Variants in UQCRFS1 observed in about 807,000 individuals in gnomAD.
UQCRFS1 encodes cytochrome b-c1 complex subunit Rieske, mitochondrial.
In UQCRFS1, 6 loss-of-function variants were observed where a neutral mutation model predicts 15.6. That is an observed-to-expected ratio of 0.38 (90% CI 0.21 to 0.76). UQCRFS1 has a LOEUF of 0.76. Among genes scored for constraint, UQCRFS1 ranks in the 30% least tolerant of loss-of-function variants. UQCRFS1 has a pLI of 0.44. For missense variants in UQCRFS1, 203 were observed against 366.7 expected (o/e 0.55, Z 3.65); for synonymous variants, 105 against 154.3 (o/e 0.68, Z 2.37).
chr19:29,208,457 G>C (rs1976614488), intron 1 of UQCRFS1, among the ~76,000 whole-genome samples: 1 of 152,166 alleles, frequency 6.6e-6, no homozygotes, highest in Non-Finnish European at 1.5e-5. Context: ...CAACACCTCA[G>C]TGCATCATGC....
rs1172999180 is a variant in UQCRFS1, at chr19:29,207,750, G to A, written c.623C>T (p.Pro208Leu). ...AACACCTATCAGGATAACCCATTCA[G>A]GTTTCTTTACTCGATCTAGATCATG... ...PQHDLDRVKK[P>L]EWVILIGVCT... Residue 208 changes from proline to leucine, a missense_variant, in exon 2 of 2, where the codon CCT becomes CTT. Physicochemically the swap from Pro to Leu is moderately conservative, Grantham distance 98 (BLOSUM62 -3). This residue lies in a region of UQCRFS1 where 91 missense variants were observed against 186.9 expected (regional missense o/e 0.49). Transcript: ENST00000304863. 1.2e-6 allele frequency: 2 copies of A among 1,613,794 alleles called. No individual in the cohort carries two copies. Among genetic ancestry groups the A allele is most frequent in the Admixed American group, 3.3e-5 (2 of 59,994 alleles).
chr19:29,211,220 G>A (rs1299766913), intron 1 of UQCRFS1, among the ~76,000 whole-genome samples: 2 of 151,682 alleles, frequency 1.3e-5, no homozygotes, highest in Admixed American at 1.3e-4. Flanking sequence ...GTGGGCGAAG[G>A]ACATGAACAG....
chr19:29,212,933 C>T lies in UQCRFS1; in HGVS notation c.186G>A (p.Arg62=). The T allele has an allele frequency of 7.1e-7, 1 of 1,414,626 alleles. No homozygotes were observed. The highest frequency in any genetic ancestry group is 9.1e-7 in the Non-Finnish European group (1 of 1,096,840). 87.6% of individuals were successfully genotyped at this position (1,414,626 alleles called of 1,614,324 possible). ...TGAGGCCCACGGAGGCGACCAAAGG[C>T]CGGCGCACGGCCTGGCCGCTCAGCG... ...RESLSGQAVR[R]PLVASVGLNV... Residue 62 remains arginine (R), a synonymous_variant, in exon 1 of 2, where the codon CGG becomes CGA. Coordinates refer to ENST00000304863, the MANE Select transcript of UQCRFS1 (RefSeq NM_006003.3).
At chr19:29,210,482 G>C (rs1353185996) in intron 1 of UQCRFS1, among the ~76,000 whole-genome samples, 1 of 151,350 alleles carries the variant, frequency 6.6e-6, no homozygotes, top group Non-Finnish European at 1.5e-5. Context: ...TTTAGCATTA[G>C]GTATATCTCC....
intron 1 of UQCRFS1, among the ~76,000 whole-genome samples, chr19:29,212,176 T>G (rs1044077275): frequency 6.6e-6 from 1 of 152,178 alleles, no homozygotes; most frequent in African/African-American, 2.4e-5. Context: ...GGGTGTGGAA[T>G]AGCCCCTGCG....
At chr19:29,212,688 G>C (rs569064048) in intron 1 of UQCRFS1, among the ~76,000 whole-genome samples, 2 of 152,156 alleles carry the variant, frequency 1.3e-5, no homozygotes, top group African/African-American at 4.8e-5. Flanking sequence ...TCGTGAACTC[G>C]GCCGAGGAGG....
Position 29,206,765 on chromosome 19 carries a change from G to C in UQCRFS1, c.*783C>G, listed in dbSNP as rs1976597983. Reference sequence around the variant, plus strand: ...GATGCTCCCTTTCTGCCTCCTGATAGAGTGGATGCAGGAACTTTGGGGACA... The same window carrying C: ...GATGCTCCCTTTCTGCCTCCTGATACAGTGGATGCAGGAACTTTGGGGACA... On this transcript the variant is annotated 3_prime_UTR_variant, in exon 2 of 2. Coordinates refer to ENST00000304863, the MANE Select transcript of UQCRFS1 (RefSeq NM_006003.3). 6.6e-6 allele frequency: 1 copy of C among 152,226 alleles called. No individual in the cohort carries two copies. The highest frequency in any genetic ancestry group is 2.4e-5 in the African/African-American group (1 of 41,450). 9.4% of individuals were successfully genotyped at this position (152,226 alleles called of 1,614,324 possible).
chr19:29,208,588 C>T (rs1209337100), intron 1 of UQCRFS1, among the ~76,000 whole-genome samples: 1 of 152,112 alleles, frequency 6.6e-6, no homozygotes, highest in African/African-American at 2.4e-5. Context: ...AGAAGGACAC[C>T]CTAAAACTCA....
At chr19:29,212,542 C>A (rs972002486) in intron 1 of UQCRFS1, among the ~76,000 whole-genome samples, 8 of 152,170 alleles carry the variant, frequency 5.3e-5, no homozygotes, top group Admixed American at 2.0e-4. Flanking sequence ...CCACCTAAGC[C>A]TCACGACACC....
intron 1 of UQCRFS1, among the ~76,000 whole-genome samples, chr19:29,212,107 C>T (rs573301362): frequency 6.6e-6 from 1 of 152,280 alleles, no homozygotes; most frequent in Non-Finnish European, 1.5e-5. Flanking sequence ...ATCTCCGATA[C>T]AGGGCCAAGT....
chr19:29,213,133 C>T lies in UQCRFS1; in HGVS notation c.-15G>A. 1 of 1,520,474 alleles carries T rather than the reference C, an allele frequency of 6.6e-7. No individual in the cohort carries two copies. Among genetic ancestry groups the T allele is most frequent in the Non-Finnish European group, 8.8e-7 (1 of 1,140,240 alleles). The allele number at this position is 1,520,474 out of a possible 1,614,324, so 94.2% of individuals were successfully genotyped here. A position where few individuals can be genotyped will look rare whatever the true frequency, so the allele number is the denominator to read the frequency against. Reference sequence around the variant, plus strand: ...ACCGACAACATGGCGACAGCCGCTCCAACCGCCAAGCCGGTCACAGGGACG... The same window carrying T: ...ACCGACAACATGGCGACAGCCGCTCTAACCGCCAAGCCGGTCACAGGGACG... On this transcript the variant is annotated 5_prime_UTR_variant, in exon 1 of 2. Coordinates refer to ENST00000304863, the MANE Select transcript of UQCRFS1 (RefSeq NM_006003.3).
At position 29,205,356 on chromosome 19, in the gene UQCRFS1, A is replaced by C. The variant is rs1049328006; in HGVS notation, c.*2192T>G. 6.6e-5 allele frequency: 10 copies of C among 152,242 alleles called. No individual in the cohort carries two copies. Among genetic ancestry groups the C allele is most frequent in the African/African-American group, 2.4e-4 (10 of 41,470 alleles). The allele number at this position is 152,242 out of a possible 1,614,324, so 9.4% of individuals were successfully genotyped here. ...AAATTTAGTACTGTGAGAATGAAGA[A>C]TTACTTCTGATATTTAAATAGTATG... is the stretch of plus-strand genomic sequence containing the variant. On this transcript the variant is annotated 3_prime_UTR_variant, in exon 2 of 2. Coordinates refer to ENST00000304863, the MANE Select transcript of UQCRFS1 (RefSeq NM_006003.3).
Position 29,212,951 on chromosome 19 carries a change from G to T in UQCRFS1, c.168C>A (p.Ser56Arg), listed in dbSNP as rs1367136371. 3 of 1,403,076 alleles carry T rather than the reference G, an allele frequency of 2.1e-6. No individual in the cohort carries two copies. The highest frequency in any genetic ancestry group is 2.7e-6 in the Non-Finnish European group (3 of 1,092,458). 86.9% of individuals were successfully genotyped at this position (1,403,076 alleles called of 1,614,324 possible). A position where few individuals can be genotyped will look rare whatever the true frequency, so the allele number is the denominator to read the frequency against. The part of the protein sequence containing the change: ...KRPFLSRESL[S>R]GQAVRRPLVA... Reference sequence around the variant, plus strand: ...CCAAAGGCCGGCGCACGGCCTGGCCGCTCAGCGACTCCCGGCTGAGGAAGG... The same window carrying T: ...CCAAAGGCCGGCGCACGGCCTGGCCTCTCAGCGACTCCCGGCTGAGGAAGG... The change falls in exon 1 of 2, where the codon AGC (serine) becomes AGA (arginine). Residue 56 changes from serine to arginine, a missense_variant. By Grantham distance (110) the Ser-to-Arg change is moderately radical. Coordinates refer to ENST00000304863, the MANE Select transcript of UQCRFS1 (RefSeq NM_006003.3).
At position 29,213,044 on chromosome 19, in the gene UQCRFS1, C is replaced by T; in HGVS notation, c.75G>A (p.Ala25=). The T allele has an allele frequency of 6.9e-7, 1 of 1,439,282 alleles. No individual in the cohort carries two copies. The highest frequency in any genetic ancestry group is 2.9e-5 in the East Asian group (1 of 34,632). The allele number at this position is 1,439,282 out of a possible 1,614,324, so 89.2% of individuals were successfully genotyped here. A position where few individuals can be genotyped will look rare whatever the true frequency, so the allele number is the denominator to read the frequency against. ...LSATSRGVAG[A]LRPLVQATVP... The stretch of plus-strand genomic sequence containing the variant: ...CCGTGGCCTGCACCAAGGGCCGCAG[C>T]GCGCCCGCCACCCCGCGGGACGTGG... The change falls in exon 1 of 2, where the codon GCG becomes GCA. Residue 25 remains alanine, a synonymous_variant. Transcript: ENST00000304863.
rs377626806 is a variant in UQCRFS1, at chr19:29,207,976, C to T, written c.397G>A (p.Val133Ile). The T allele has an allele frequency of 1.3e-5, 21 of 1,614,000 alleles. No homozygotes were observed. Among genetic ancestry groups the T allele is most frequent in the Middle Eastern group, 3.3e-4 (2 of 6,054 alleles). ...VGVAYAAKNA[V>I]TQFVSSMSAS... ...CTCATGCTGGAAACGAACTGGGTGA[C>T]GGCATTCTTGGCAGCATATGCGACA... is the stretch of plus-strand genomic sequence containing the variant. Residue 133 changes from valine (V) to isoleucine (I), a missense_variant, in exon 2 of 2, where the codon GTC becomes ATC. Physicochemically the swap from Val to Ile is conservative, Grantham distance 29. Transcript: ENST00000304863.
At chr19:29,211,204 C>A (rs1308395038) in intron 1 of UQCRFS1, among the ~76,000 whole-genome samples, 1 of 151,406 alleles carries the variant, frequency 6.6e-6, no homozygotes, top group Non-Finnish European at 1.5e-5. Flanking sequence ...ACAACCCCAT[C>A]AAAAAGTGGG....
In UQCRFS1 at chr19:29,206,095, C is replaced by G. The variant is rs1013448123; in HGVS notation, c.*1453G>C. 2 of 152,000 alleles carry G rather than the reference C, an allele frequency of 1.3e-5. No homozygotes were observed. Among genetic ancestry groups the G allele is most frequent in the South Asian group, 4.2e-4 (2 of 4,812 alleles). 9.4% of individuals were successfully genotyped at this position (152,000 alleles called of 1,614,324 possible). ...TTTTTAGTGTGTGGACCTGTGTTCCCCTCACAACTCAATGTTTCACATTCC... is the reference window on the plus strand; with the variant it reads ...TTTTTAGTGTGTGGACCTGTGTTCCGCTCACAACTCAATGTTTCACATTCC... On this transcript the variant is annotated 3_prime_UTR_variant, in exon 2 of 2. Coordinates refer to ENST00000304863, the MANE Select transcript of UQCRFS1 (RefSeq NM_006003.3).
intron 1 of UQCRFS1, among the ~76,000 whole-genome samples, chr19:29,210,323 T>A (rs1976631653): frequency 6.6e-6 from 1 of 151,394 alleles, no homozygotes; most frequent in African/African-American, 2.4e-5. Context: ...ATTATTTGCC[T>A]GTTTCTAAAA....
Position 29,212,800 on chromosome 19 carries a change from T to A in UQCRFS1, c.214+105A>T, listed in dbSNP as rs1323024360. The A allele has an allele frequency of 2.5e-6, 3 of 1,219,308 alleles. No homozygotes were observed. In the African/African-American group the frequency reaches 4.8e-5, roughly 19 times the overall value. The allele number at this position is 1,219,308 out of a possible 1,614,324, so 75.5% of individuals were successfully genotyped here. ...GTTGCGGAGGCCGCCCAGCCCGACC[T>A]GATTCAGGCTCCGCTCGCGCGCCCG... On this transcript the variant is annotated intron_variant, in intron 1 of 1. Coordinates refer to ENST00000304863, the MANE Select transcript of UQCRFS1 (RefSeq NM_006003.3).
Sources: gnomAD v4.1 joint callset for allele counts (sites outside exome capture counted in the v4.1 genomes callset) on GRCh38, gnomAD v4.1.1 for gene constraint, gnomAD v4.1.1 regional missense constraint, MANE v1.5 for transcripts, NCBI Gene and HGNC (gene_info 2026-07-23, HGNC 2026-07-21) for gene names.